Variants in KHDRBS3 observed in about 807,000 individuals in gnomAD.
The protein encoded by KHDRBS3 is KH domain-containing, RNA-binding, signal transduction-associated protein 3.
KHDRBS3 carries 23 observed loss-of-function variants against 45.6 expected under a neutral mutation model. The ratio of observed to expected loss-of-function variants is 0.50; its 90% CI spans 0.36 to 0.72. The LOEUF (loss-of-function observed/expected upper bound fraction) is 0.72. KHDRBS3 is among the 30% of genes least tolerant of loss of function. The probability of loss-of-function intolerance (pLI) is 0.00; values close to 1 mark genes in which losing one functional copy is unlikely to be tolerated. For synonymous variants in KHDRBS3, 162 were observed against 156.5 expected, an observed-to-expected ratio of 1.04 and a Z score of -0.26; for missense variants, 352 against 424.8, an observed-to-expected ratio of 0.83 and a Z score of 1.51.
rs1225007003 is a variant in KHDRBS3 at position 135,512,108 on chromosome 8, A to G, written c.89-9129A>G. ...CAACTCTGGTTTGAATGTAATGAGG[A>G]TTCAGTTAGGTTTGGATTGCTTAAA... On this transcript the variant is annotated intron_variant, in intron 1 of 8. Coordinates refer to ENST00000355849, the MANE Select transcript of KHDRBS3 (RefSeq NM_006558.3). 2.0e-5 allele frequency among the ~76,000 whole-genome samples: 3 copies of G among 152,110 alleles called. No homozygotes were observed. In the East Asian group the frequency reaches 5.8e-4, roughly 29 times the overall value.
intron 2 of KHDRBS3, among the ~76,000 whole-genome samples, chr8:135,532,584 G>A (rs1330324930): frequency 6.6e-6 from 1 of 152,064 alleles, no homozygotes; most frequent in Non-Finnish European, 1.5e-5. Flanking sequence ...GGTTTTTTGT[G>A]TGCGAGGCAT....
intron 2 of KHDRBS3, among the ~76,000 whole-genome samples, chr8:135,536,966 C>CAAAAAAAAAA (rs869256475): frequency 1.1e-3 from 13 of 11,748 alleles, no homozygotes; most frequent in East Asian, 5.0e-3. Context: ...AACTCCATCT[C>CAAAAAAAAAA]AAAAAAAAAA....
chr8:135,599,224 C>G (rs778624041), intron 6 of KHDRBS3, among the ~76,000 whole-genome samples: 1 of 152,236 alleles, frequency 6.6e-6, no homozygotes, highest in Non-Finnish European at 1.5e-5. Flanking sequence ...CCCCTGCCAG[C>G]TCGGTGCTGT....
At chr8:135,574,229 TCA>T (rs1827848345) in intron 5 of KHDRBS3, among the ~76,000 whole-genome samples, 1 of 151,938 alleles carries the variant, frequency 6.6e-6, no homozygotes, top group Admixed American at 6.6e-5. Flanking sequence ...GTCACCTCCA[TCA>T]TGTTAGCACG....
intron 2 of KHDRBS3, among the ~76,000 whole-genome samples, chr8:135,535,723 C>T (rs1044284137): frequency 3.3e-5 from 5 of 152,022 alleles, no homozygotes; most frequent in African/African-American, 7.2e-5. Flanking sequence ...TTTGTGCTGC[C>T]GCCATGAAAT....
chr8:135,494,273 A>ATTTTT lies in KHDRBS3; in HGVS notation c.89-26945_89-26941dup, dbSNP rs386414089. ...TATTTTTTCCTCTTCTGTTTCTCTT[A>ATTTTT]TTTTTTTTTTTTTTTTTTTTTTTGA... On this transcript the variant is annotated intron_variant, in intron 1 of 8. Transcript: ENST00000355849. 3.3e-3 allele frequency among the ~76,000 whole-genome samples: 257 copies of ATTTTT among 78,626 alleles called. 14 individuals are homozygous for ATTTTT. The highest frequency in any genetic ancestry group is 7.8e-3 in the African/African-American group (138 of 17,654). The allele number at this position is 78,626 out of a possible 152,430, so 51.6% of individuals were successfully genotyped here. A position where few individuals can be genotyped will look rare whatever the true frequency, so the allele number is the denominator to read the frequency against.
At chr8:135,523,771 C>T (rs1226703608) in intron 2 of KHDRBS3, among the ~76,000 whole-genome samples, 1 of 151,702 alleles carries the variant, frequency 6.6e-6, no homozygotes, top group Non-Finnish European at 1.5e-5. Context: ...GAGGAAGTTC[C>T]CTTCTGCTTC....
At chr8:135,504,612 C>T (rs183860055) in intron 1 of KHDRBS3, among the ~76,000 whole-genome samples, 151 of 152,252 alleles carry the variant, frequency 9.9e-4, no homozygotes, top group African/African-American at 3.5e-3. Context: ...AACACTTTCC[C>T]TCTGAATAAT....
intron 6 of KHDRBS3, among the ~76,000 whole-genome samples, chr8:135,600,454 A>C (rs983153821): frequency 6.6e-6 from 1 of 152,150 alleles, no homozygotes; most frequent in Non-Finnish European, 1.5e-5. Flanking sequence ...AGGGAGATTA[A>C]AAATAGCCTC....
At chr8:135,485,501 C>T (rs528387569) in intron 1 of KHDRBS3, among the ~76,000 whole-genome samples, 4 of 152,202 alleles carry the variant, frequency 2.6e-5, no homozygotes, top group South Asian at 4.1e-4. Context: ...GTTGTCACAT[C>T]AGATCATTTG....
intron 7 of KHDRBS3, chr8:135,625,525 G>A: frequency 1.2e-6 from 1 of 839,508 alleles, no homozygotes; most frequent in Non-Finnish European, 2.1e-6. Flanking sequence ...TGCTAGAACT[G>A]AGAGGTTTCT....
chr8:135,625,341 A>T (rs1414634367), intron 7 of KHDRBS3: 2 of 984,542 alleles, frequency 2.0e-6, no homozygotes, highest in Non-Finnish European at 3.3e-6. Context: ...CCGAAGTAGA[A>T]ATCCCTCTCT....
At chr8:135,561,701 A>G (rs1827175831) in intron 5 of KHDRBS3, among the ~76,000 whole-genome samples, 1 of 152,116 alleles carries the variant, frequency 6.6e-6, no homozygotes, top group Admixed American at 6.6e-5. Context: ...TCAAGGACGG[A>G]CAGAACATGT....
intron 1 of KHDRBS3, among the ~76,000 whole-genome samples, chr8:135,493,463 G>C (rs1823260517): frequency 6.6e-6 from 1 of 152,034 alleles, no homozygotes; most frequent in South Asian, 2.1e-4. Flanking sequence ...GGTTGAAGAA[G>C]TTTCTTTTTA....
intron 1 of KHDRBS3, among the ~76,000 whole-genome samples, chr8:135,491,811 T>A (rs1247915301): frequency 6.6e-6 from 1 of 152,178 alleles, no homozygotes; most frequent in Non-Finnish European, 1.5e-5. Context: ...TACTTATAAT[T>A]CAGAAGCAAT....
intron 1 of KHDRBS3, among the ~76,000 whole-genome samples, chr8:135,515,331 A>T (rs1218658013): frequency 7.8e-6 from 1 of 127,736 alleles, no homozygotes; most frequent in Non-Finnish European, 1.6e-5. Flanking sequence ...ACGCCACTGC[A>T]CTCCAGCCTG....
At chr8:135,626,828 G>T (rs1040222985) in intron 7 of KHDRBS3, among the ~76,000 whole-genome samples, 7 of 149,134 alleles carry the variant, frequency 4.7e-5, no homozygotes, top group South Asian at 4.3e-4. Flanking sequence ...AAAAAAAGAG[G>T]CACAGTGGGA....
intron 1 of KHDRBS3, among the ~76,000 whole-genome samples, chr8:135,468,816 C>T (rs1404334357): frequency 6.6e-6 from 1 of 152,204 alleles, no homozygotes; most frequent in East Asian, 1.9e-4. Flanking sequence ...TTGCAGACCT[C>T]TCATGGCTCT....
chr8:135,589,122 T>G (rs1011582019), intron 6 of KHDRBS3, among the ~76,000 whole-genome samples: 1 of 152,206 alleles, frequency 6.6e-6, no homozygotes, highest in East Asian at 1.9e-4. Context: ...ACCTAACATA[T>G]AGTAGTCACT....
Sources: gnomAD v4.1 joint callset for allele counts (sites outside exome capture counted in the v4.1 genomes callset) on GRCh38, gnomAD v4.1.1 for gene constraint, MANE v1.5 for transcripts, NCBI Gene and HGNC (gene_info 2026-07-23, HGNC 2026-07-21) for gene names.